Variants in DOCK5 observed in about 807,000 individuals in gnomAD.
DOCK5 encodes the protein dedicator of cytokinesis 5.
A neutral mutation model predicts 251.8 loss-of-function variants in DOCK5; 142 were observed. That is an observed-to-expected ratio of 0.56 (90% CI 0.49 to 0.65). The LOEUF (loss-of-function observed/expected upper bound fraction) is 0.65. Ranked by LOEUF, DOCK5 falls within the 30% of genes least tolerant of loss-of-function variation. The pLI is 0.00. For synonymous variants in DOCK5, 842 were observed against 835.5 expected, an observed-to-expected ratio of 1.01 and a Z score of -0.13; for missense variants, 2,111 against 2,312.3, an observed-to-expected ratio of 0.91 and a Z score of 1.79.
At chr8:25,285,130 G>A (rs1407499905) in intron 5 of DOCK5, among the ~76,000 whole-genome samples, 1 of 151,832 alleles carries the variant, frequency 6.6e-6, no homozygotes, top group East Asian at 1.9e-4. Flanking sequence ...GCATAGTGTT[G>A]AATCAAGTGA....
chr8:25,406,600 G>A (rs924424524), intron 48 of DOCK5, among the ~76,000 whole-genome samples: 1 of 151,738 alleles, frequency 6.6e-6, no homozygotes, highest in African/African-American at 2.4e-5. Flanking sequence ...TTTATTATAA[G>A]CATTTGTCAT....
At chr8:25,187,312 C>T (rs543908196) in intron 1 of DOCK5, among the ~76,000 whole-genome samples, 41 of 137,276 alleles carry the variant, frequency 3.0e-4, no homozygotes, top group African/African-American at 1.1e-3. Flanking sequence ...TGTATATATG[C>T]GTATATGTGT....
At chr8:25,206,728 A>G (rs1045453663) in intron 1 of DOCK5, among the ~76,000 whole-genome samples, 4 of 152,176 alleles carry the variant, frequency 2.6e-5, no homozygotes, top group African/African-American at 9.6e-5. Context: ...ACAATGACAT[A>G]TGGTTTGACG....
At chr8:25,226,167 G>C (rs1343517356) in intron 1 of DOCK5, among the ~76,000 whole-genome samples, 1 of 148,390 alleles carries the variant, frequency 6.7e-6, no homozygotes, top group African/African-American at 2.5e-5. Flanking sequence ...AATAAATTAA[G>C]AAAAAAGTAA....
chr8:25,356,534 ACATG>A (rs1436196543), intron 27 of DOCK5, among the ~76,000 whole-genome samples: 2 of 151,922 alleles, frequency 1.3e-5, no homozygotes, highest in East Asian at 3.9e-4. Context: ...AGGCATGGTG[ACATG>A]CGCCTGTAAT....
At position 25,289,702 on chromosome 8, in the gene DOCK5, C is replaced by T. The variant is rs558080297; in HGVS notation, c.322-2322C>T. On this transcript the variant is annotated intron_variant, in intron 5 of 51. Transcript: ENST00000276440. ...TACCAAAAATACAAAATTAGCTGGG[C>T]GTGGTGGCGCATGCCTGTAATCCCA... Among the ~76,000 whole-genome samples, 12 of 151,792 alleles carry T rather than the reference C, an allele frequency of 7.9e-5. No homozygotes were observed. In the East Asian group the frequency reaches 2.0e-3, roughly 25 times the overall value.
In DOCK5 at chr8:25,190,446, T is replaced by C. The variant is rs920266328; in HGVS notation, c.43+5495T>C. On this transcript the variant is annotated intron_variant, in intron 1 of 51. Transcript: ENST00000276440. ...ATATGATTTTTCAAGATATCTGCAG[T>C]AACCATACTATGATATAAAAATCCC... Among the ~76,000 whole-genome samples the C allele has an allele frequency of 2.0e-4, 30 of 152,204 alleles. 1 individual carries two copies. Among genetic ancestry groups the C allele is most frequent in the African/African-American group, 7.2e-4 (30 of 41,448 alleles).
intron 22 of DOCK5, among the ~76,000 whole-genome samples, chr8:25,337,583 T>A (rs1250254321): frequency 1.4e-5 from 2 of 147,950 alleles, no homozygotes; most frequent in Non-Finnish European, 3.0e-5. Flanking sequence ...CCATGATAGA[T>A]TCTTTTTTTT....
chr8:25,283,636 C>T (rs1586293480), intron 5 of DOCK5, among the ~76,000 whole-genome samples: 2 of 152,162 alleles, frequency 1.3e-5, no homozygotes, highest in East Asian at 1.9e-4. Flanking sequence ...CTCTCTTACC[C>T]GACTGCCTGC....
chr8:25,309,135 A>T (rs2117180040), intron 12 of DOCK5, among the ~76,000 whole-genome samples: 1 of 152,292 alleles, frequency 6.6e-6, no homozygotes, highest in Non-Finnish European at 1.5e-5. Context: ...TGTGTTTTGT[A>T]AATTCTTTGG....
intron 1 of DOCK5, among the ~76,000 whole-genome samples, chr8:25,224,528 C>T (rs1408700736): frequency 6.6e-6 from 1 of 152,182 alleles, no homozygotes; most frequent in African/African-American, 2.4e-5. Flanking sequence ...AAGTGTGTCA[C>T]TCTGAATCTT....
intron 1 of DOCK5, among the ~76,000 whole-genome samples, chr8:25,238,737 G>A (rs1229930844): frequency 6.6e-6 from 1 of 152,210 alleles, no homozygotes; most frequent in Non-Finnish European, 1.5e-5. Flanking sequence ...GTTTGAGTTT[G>A]GGGAAGAAGT....
intron 44 of DOCK5, among the ~76,000 whole-genome samples, chr8:25,394,246 A>G (rs1801307827): frequency 6.6e-6 from 1 of 152,126 alleles, no homozygotes; most frequent in Non-Finnish European, 1.5e-5. Context: ...AAAATTAGAC[A>G]TTATTCCTCA....
At chr8:25,203,973 G>A (rs79663050) in intron 1 of DOCK5, among the ~76,000 whole-genome samples, 1 of 3,728 alleles carries the variant, frequency 2.7e-4, no homozygotes, top group Admixed American at 3.0e-3. Context: ...AAAATGAAAC[G>A]TGTTCTTTCG....
intron 12 of DOCK5, 100 bp downstream of exon 12, chr8:25,309,025 C>T (rs1805021430): frequency 1.4e-6 from 2 of 1,465,434 alleles, no homozygotes; most frequent in Admixed American, 2.2e-5. Context: ...TTCTCTGATA[C>T]AAAACAGCCT....
At chr8:25,361,501 C>A (rs1031501500) in intron 28 of DOCK5, among the ~76,000 whole-genome samples, 6 of 152,130 alleles carry the variant, frequency 3.9e-5, no homozygotes, top group Non-Finnish European at 8.8e-5. Flanking sequence ...GTAATCCCAG[C>A]TCCTGGGGTG....
chr8:25,356,020 G>A (rs148621810), intron 27 of DOCK5, among the ~76,000 whole-genome samples: 1,363 of 129,372 alleles, frequency 0.011, 21 homozygotes, highest in African/African-American at 0.029. Context: ...GTGAAACCCC[G>A]TCTCTATTAA....
rs781170125 is a variant in DOCK5 at position 25,408,841 on chromosome 8, T to C, written c.5305T>C (p.Leu1769=). ...RKAQRPKSLQ[L]MDNRLSPFHG... ...AGCACAAAGGCCAAAGAGTCTCCAG[T>C]TGATGGATAATCGGCTATCACCATT... The change falls in exon 50 of 52, where the codon TTG becomes CTG. Residue 1769 remains leucine, a synonymous_variant. Coordinates refer to ENST00000276440, the MANE Select transcript of DOCK5 (RefSeq NM_024940.8). 3.1e-6 allele frequency: 5 copies of C among 1,613,870 alleles called. No individual in the cohort carries two copies. Among genetic ancestry groups the C allele is most frequent in the African/African-American group, 2.7e-5 (2 of 74,928 alleles).
chr8:25,336,162 C>T, intron 21 of DOCK5, 77 bp from the exon 22 acceptor site: 2 of 1,480,694 alleles, frequency 1.4e-6, no homozygotes, highest in Non-Finnish European at 9.2e-7. Context: ...TGCCATGTTC[C>T]CCTCTTAGAT....
Sources: gnomAD v4.1 joint callset for allele counts (sites outside exome capture counted in the v4.1 genomes callset) on GRCh38, gnomAD v4.1.1 for gene constraint, MANE v1.5 for transcripts, NCBI Gene and HGNC (gene_info 2026-07-23, HGNC 2026-07-21) for gene names.